Variants in LTBP4 observed in about 807,000 individuals in gnomAD.
LTBP4 encodes latent transforming growth factor beta binding protein 4, also known as latent-transforming growth factor beta-binding protein 4.
LTBP4 carries 93 observed loss-of-function variants against 180.2 expected under a neutral mutation model. That is an observed-to-expected ratio of 0.52 (90% CI 0.44 to 0.61). The LOEUF (loss-of-function observed/expected upper bound fraction) is 0.61, where lower values mean the gene tolerates loss of function less well. LTBP4 is among the 20% of genes least tolerant of loss of function. The pLI is 0.00. For synonymous variants in LTBP4, 947 were observed against 934.5 expected, an observed-to-expected ratio of 1.01 and a Z score of -0.24; for missense variants, 2,116 against 2,256.5, an observed-to-expected ratio of 0.94 and a Z score of 1.26.
Position 40,617,027 on chromosome 19 carries a change from G to A in LTBP4, c.2944+7G>A. On this transcript the variant is annotated splice_region_variant and intron_variant, in intron 20 of 29. Transcript: ENST00000396819. Reference sequence around the variant, plus strand: ...CCAGGGGGCGGATGCCAGGGTGGGTGTCCATCAGGCATCGGGTGAGATGTG... The same window carrying A: ...CCAGGGGGCGGATGCCAGGGTGGGTATCCATCAGGCATCGGGTGAGATGTG... 1 of 1,612,976 alleles carries A rather than the reference G, an allele frequency of 6.2e-7. No individual in the cohort carries two copies.
At position 40,627,714 on chromosome 19, in the gene LTBP4, C is replaced by T; in HGVS notation, c.4376C>T (p.Ala1459Val). Residue 1459 changes from alanine (A) to valine (V), a missense_variant, in exon 29 of 30, where the codon GCT (alanine) becomes GTT (valine). Physicochemically the swap from Ala to Val is moderately conservative, Grantham distance 64. Around this residue, in one of 5 missense-constraint regions of LTBP4, gnomAD observed 488 missense variants for 458.8 expected, o/e 1.06. Transcript: ENST00000396819. ...CCCGCATTTCCCACAGGTTCCCTGG[C>T]TGAGCCCTACGAGGAGCTGGAGGCG... ...PEGGSYAGSL[A>V]EPYEELEAEE... 6.3e-7 allele frequency: 1 copy of T among 1,594,644 alleles called. No individual in the cohort carries two copies. The highest frequency in any genetic ancestry group is 8.5e-7 in the Non-Finnish European group (1 of 1,171,948).
chr19:40,602,698 T>C (rs2081433157), intron 1 of LTBP4, among the ~76,000 whole-genome samples: 3 of 152,162 alleles, frequency 2.0e-5, no homozygotes, highest in African/African-American at 7.2e-5. Flanking sequence ...AAGTGGGGGC[T>C]GACCTCAAAG....
chr19:40,612,974 C>G, intron 15 of LTBP4, 91 bp from the exon 16 acceptor site: 2 of 1,349,036 alleles, frequency 1.5e-6, no homozygotes, highest in Non-Finnish European at 2.1e-6. Context: ...CATGAGACTT[C>G]CCACCACCTC....
In LTBP4 at chr19:40,611,260, G is replaced by T. The variant is rs762887757; in HGVS notation, c.1919G>T (p.Cys640Phe). 4 of 1,612,808 alleles carry T rather than the reference G, an allele frequency of 2.5e-6. No homozygotes were observed. In the South Asian group the frequency reaches 4.4e-5, roughly 18 times the overall value. ...VCPAGFRGSACEEDVDECAQE... is the reference protein window; with the variant it reads ...VCPAGFRGSAFEEDVDECAQE... ...CCGGCTGGCTTCCGGGGCTCGGCGT[G>T]TGAAGAGGATGTGGATGAGTGTGCC... is the stretch of plus-strand genomic sequence containing the variant. Residue 640 changes from cysteine (C) to phenylalanine (F), a missense_variant, in exon 13 of 30, where the codon TGT becomes TTT. Coordinates refer to ENST00000396819, the MANE Select transcript of LTBP4 (RefSeq NM_001042545.2). This position sits in a 1 kb window ranked among gnomAD's most constrained non-coding sequence, Gnocchi z 4.4.
At chr19:40,597,504 C>G, upstream of LTBP4, 1 of 1,165,968 alleles carries the variant, frequency 8.6e-7, no homozygotes, top group Non-Finnish European at 1.1e-6. Flanking sequence ...AAAGAGGGCC[C>G]TTGGATTTAT....
intron 28 of LTBP4, 48 bp from the exon 29 acceptor site, chr19:40,627,657 G>T: frequency 6.4e-7 from 1 of 1,552,636 alleles, no homozygotes; most frequent in East Asian, 2.4e-5. Context: ...TGTGGGTAAG[G>T]GGTGAAGGCA....
At chr19:40,623,235 C>T (rs912253637) in intron 24 of LTBP4, among the ~76,000 whole-genome samples, 13 of 148,148 alleles carry the variant, frequency 8.8e-5, no homozygotes, top group Admixed American at 2.0e-4. Context: ...AGAGCAATGG[C>T]GAGATCTTGG....
rs1436264979 is a variant in LTBP4 at position 40,613,780 on chromosome 19, A to G, written c.2558-136A>G. On this transcript the variant is annotated intron_variant, in intron 17 of 29. Transcript: ENST00000396819. This position sits in a 1 kb window ranked among gnomAD's most constrained non-coding sequence, Gnocchi z 5.0. ...AAACCCGTCGGGGGGCGGTGTTTGCAGGGAGGGAAGTAGCGTGAGGCAGGT... is the reference window on the plus strand; with the variant it reads ...AAACCCGTCGGGGGGCGGTGTTTGCGGGGAGGGAAGTAGCGTGAGGCAGGT... 6 of 1,376,828 alleles carry G rather than the reference A, an allele frequency of 4.4e-6. No individual in the cohort carries two copies. The highest frequency in any genetic ancestry group is 1.9e-4 in the Middle Eastern group (1 of 5,294). The allele number at this position is 1,376,828 out of a possible 1,614,324, so 85.3% of individuals were successfully genotyped here.
At chr19:40,616,219 G>A (rs747084080) in intron 19 of LTBP4, among the ~76,000 whole-genome samples, 48 of 151,680 alleles carry the variant, frequency 3.2e-4, no homozygotes, top group Non-Finnish European at 6.3e-4. Context: ...GCCTGAACCC[G>A]GGAGGTTGAA....
Position 40,606,256 on chromosome 19 carries a change from C to G in LTBP4, c.817C>G (p.Pro273Ala). The change falls in exon 5 of 30, where the codon CCA becomes GCA. Residue 273 changes from proline (P) to alanine (A), a missense_variant. By Grantham distance (27) the Pro-to-Ala change is conservative. Transcript: ENST00000396819. ...AGGGAACTCCGAAAGAGTGAGCGCC[C>G]CAGATGGACCTTGTCCAACCGGCTT... ...RLGNSERVSA[P>A]DGPCPTGFER... 6.3e-7 allele frequency: 1 copy of G among 1,595,730 alleles called. No homozygotes were observed. Among genetic ancestry groups the G allele is most frequent in the South Asian group, 1.1e-5 (1 of 87,774 alleles).
In LTBP4 at chr19:40,605,612, C is replaced by T. The variant is rs761342071; in HGVS notation, c.650C>T (p.Ser217Leu). 1 of 1,595,414 alleles carries T rather than the reference C, an allele frequency of 6.3e-7. No individual in the cohort carries two copies. Among genetic ancestry groups the T allele is most frequent in the Non-Finnish European group, 8.5e-7 (1 of 1,171,172 alleles). ...CGGGAGGACGGCTACTCAGATGCCT[C>T]GGGCTTCGGTTACTGCTTTCGGGAG... ...APREDGYSDA[S>L]GFGYCFRELR... The change falls in exon 3 of 30, where the codon TCG becomes TTG. Residue 217 changes from serine to leucine, a missense_variant. This residue lies in a region of LTBP4 where 469 missense variants were observed against 532.5 expected (regional missense o/e 0.88). Transcript: ENST00000396819. The surrounding 1 kb of genome is among the most constrained non-coding windows in gnomAD (Gnocchi z 5.5).
At position 40,622,675 on chromosome 19, in the gene LTBP4, T is replaced by A. The variant is rs745729212; in HGVS notation, c.3484+8T>A. On this transcript the variant is annotated splice_region_variant and intron_variant, in intron 23 of 29. Transcript: ENST00000396819. This position sits in a 1 kb window ranked among gnomAD's most constrained non-coding sequence, Gnocchi z 5.1. ...GCCCGGGCACCGAGACAGGTGGGCA[T>A]GGGCTGATGGGGACACAGGGCTGAG... 1 of 1,594,572 alleles carries A rather than the reference T, an allele frequency of 6.3e-7. No homozygotes were observed. Among genetic ancestry groups the A allele is most frequent in the Non-Finnish European group, 8.5e-7 (1 of 1,170,756 alleles).
rs535204739 is a variant in LTBP4 at position 40,620,871 on chromosome 19, A to G, written c.3217+1378A>G. On this transcript the variant is annotated intron_variant, in intron 22 of 29. Coordinates refer to ENST00000396819, the MANE Select transcript of LTBP4 (RefSeq NM_001042545.2). The stretch of plus-strand genomic sequence containing the variant: ...ATGTGCAGGCTTTTTACCTGGGTAT[A>G]TTTCGTGATGCTGAGCTTTGGGATA... Among the ~76,000 whole-genome samples, 24 of 150,772 alleles carry G rather than the reference A, an allele frequency of 1.6e-4. No individual in the cohort carries two copies. The South Asian group carries it at 3.1e-3, about 20-fold the overall frequency.
rs759808811 is a variant in LTBP4 at position 40,607,394 on chromosome 19, C to A, written c.1021C>A (p.Pro341Thr). ...SQHVISEAKG[P>T]CFRVLRDGGC... ...ACACGTGATCTCAGAGGCCAAAGGG[C>A]CCTGCTTCCGCGTGCTCCGCGACGG... Residue 341 changes from proline to threonine, a missense_variant, in exon 7 of 30, where the codon CCC (proline) becomes ACC (threonine). By Grantham distance (38) the Pro-to-Thr change is conservative. Transcript: ENST00000396819. 4 of 1,613,036 alleles carry A rather than the reference C, an allele frequency of 2.5e-6. No homozygotes were observed. The highest frequency in any genetic ancestry group is 2.2e-5 in the East Asian group (1 of 44,854).
rs760454993 is a variant in LTBP4 at position 40,623,992 on chromosome 19, A to G, written c.3742A>G (p.Thr1248Ala). Residue 1248 changes from threonine to alanine, a missense_variant, in exon 26 of 30, where the codon ACT becomes GCT. Thr to Ala is a moderately conservative substitution (Grantham distance 58). Around this residue, in one of 5 missense-constraint regions of LTBP4, gnomAD observed 488 missense variants for 458.8 expected, o/e 1.06. Coordinates refer to ENST00000396819, the MANE Select transcript of LTBP4 (RefSeq NM_001042545.2). ...PACEGGRCVN[T>A]VGSYHCTCEP... ...CTGTGAGGGCGGCCGCTGTGTCAAC[A>G]CTGTGGGCTCTTATCACTGTACCTG... 68 of 1,613,472 alleles carry G rather than the reference A, an allele frequency of 4.2e-5. No homozygotes were observed. Among genetic ancestry groups the G allele is most frequent in the Non-Finnish European group, 4.0e-5 (47 of 1,179,756 alleles).
chr19:40,601,411 C>T lies in LTBP4; in HGVS notation c.24C>T (p.Leu8=). 7.2e-7 allele frequency: 1 copy of T among 1,392,056 alleles called. No homozygotes were observed. The highest frequency in any genetic ancestry group is 9.4e-7 in the Non-Finnish European group (1 of 1,067,558). The allele number at this position is 1,392,056 out of a possible 1,614,324, so 86.2% of individuals were successfully genotyped here. MAGGVRL[L]WVSLLVLLAQ... is the part of the protein sequence containing the mutation. Reference sequence around the variant, plus strand: ...CCATGGCGGGCGGCGTGCGGCTGCTCTGGGTGTCGCTATTGGTGCTGCTGG... The same window carrying T: ...CCATGGCGGGCGGCGTGCGGCTGCTTTGGGTGTCGCTATTGGTGCTGCTGG... The change falls in exon 1 of 30, where the codon CTC becomes CTT. Residue 8 remains leucine (L), a synonymous_variant. Coordinates refer to ENST00000396819, the MANE Select transcript of LTBP4 (RefSeq NM_001042545.2).
intron 6 of LTBP4, 142 bp from the exon 7 acceptor site, chr19:40,607,223 C>A (rs536289411): frequency 2.8e-6 from 2 of 720,982 alleles, no homozygotes; most frequent in Non-Finnish European, 4.6e-6. Flanking sequence ...TCCTTCAGAC[C>A]CTCTCAGACC....
chr19:40,625,281 TATATATATATATATATATA>T lies in LTBP4; in HGVS notation c.3833-575_3833-557del, dbSNP rs1568414377. 6.5e-3 allele frequency among the ~76,000 whole-genome samples: 64 copies of T among 9,806 alleles called. 10 individuals are homozygous for T. Among genetic ancestry groups the T allele is most frequent in the African/African-American group, 0.055 (57 of 1,034 alleles). The allele number at this position is 9,806 out of a possible 152,430, so 6.4% of individuals were successfully genotyped here. ...ATATATATATATATATATATATATA[TATATATATATATATATATA>T]TATATATATATATATATTTTTTTTT... On this transcript the variant is annotated intron_variant, in intron 26 of 29. Transcript: ENST00000396819.
chr19:40,598,920 A>G (rs543722669), upstream of LTBP4, among the ~76,000 whole-genome samples: 29 of 152,340 alleles, frequency 1.9e-4, no homozygotes, highest in African/African-American at 7.0e-4. Flanking sequence ...CACTTTTAAA[A>G]GGCTTTAAAA....
Sources: allele counts gnomAD v4.1 joint callset (sites outside exome capture counted in the v4.1 genomes callset), GRCh38; gene constraint gnomAD v4.1.1; regional missense constraint gnomAD v4.1.1; non-coding constraint Gnocchi (gnomAD v3.1); transcripts MANE v1.5; gene names NCBI Gene and HGNC (gene_info 2026-07-23, HGNC 2026-07-21).